KIF16B: variants seen among roughly 807,000 people sequenced by gnomAD.
The protein encoded by KIF16B is kinesin-like protein KIF16B.
KIF16B carries 98 observed loss-of-function variants against 156.3 expected under a neutral mutation model. The observed-to-expected ratio is 0.63, with a 90% CI of 0.53 to 0.74. KIF16B has a LOEUF of 0.74. Among genes scored for constraint, KIF16B ranks in the 30% least tolerant of loss-of-function variants. The pLI, the probability that KIF16B is intolerant of heterozygous loss-of-function variation, is 0.00. For synonymous variants in KIF16B, 564 were observed against 583.7 expected, an observed-to-expected ratio of 0.97 and a Z score of 0.49; for missense variants, 1,421 against 1,606.5, an observed-to-expected ratio of 0.88 and a Z score of 1.97.
intron 12 of KIF16B, among the ~76,000 whole-genome samples, chr20:16,451,178 C>T (rs1275346162): frequency 6.6e-6 from 1 of 152,170 alleles, no homozygotes. Flanking sequence ...AGTCGTTCAG[C>T]GTCGCATGTG....
chr20:16,497,592 A>G (rs375330563), intron 11 of KIF16B, 21 bp downstream of exon 11: 3 of 1,569,722 alleles, frequency 1.9e-6, no homozygotes, highest in Admixed American at 1.7e-5. Flanking sequence ...ATTTAAAAAT[A>G]TAAGTCAAAG....
At chr20:16,300,272 T>C (rs1321615161) in intron 25 of KIF16B, among the ~76,000 whole-genome samples, 1 of 152,190 alleles carries the variant, frequency 6.6e-6, no homozygotes, top group African/African-American at 2.4e-5. Flanking sequence ...GATACAACAG[T>C]GACTCTCAAA....
chr20:16,492,023 A>G (rs1401141826), intron 12 of KIF16B, among the ~76,000 whole-genome samples: 1 of 152,134 alleles, frequency 6.6e-6, no homozygotes, highest in Non-Finnish European at 1.5e-5. Flanking sequence ...CCTGCCCACC[A>G]TGAGAGGGGG....
At chr20:16,389,361 T>G (rs1413397931) in intron 17 of KIF16B, among the ~76,000 whole-genome samples, 1 of 152,158 alleles carries the variant, frequency 6.6e-6, no homozygotes, top group Non-Finnish European at 1.5e-5. Flanking sequence ...TGCAGCTAGT[T>G]CTGATCAAGC....
chr20:16,473,533 A>G (rs917361337), intron 12 of KIF16B, among the ~76,000 whole-genome samples: 7 of 152,364 alleles, frequency 4.6e-5, no homozygotes, highest in African/African-American at 1.7e-4. Context: ...CGCAGGGACT[A>G]GAGTAGACAC....
chr20:16,353,582 G>T (rs530280274), intron 23 of KIF16B, among the ~76,000 whole-genome samples: 1 of 152,158 alleles, frequency 6.6e-6, no homozygotes, highest in Non-Finnish European at 1.5e-5. Flanking sequence ...CCCAATGAGG[G>T]GGGGGTTTAT....
intron 17 of KIF16B, among the ~76,000 whole-genome samples, chr20:16,396,643 A>G (rs1178167878): frequency 7.4e-6 from 1 of 135,568 alleles, no homozygotes; most frequent in African/African-American, 3.0e-5. Flanking sequence ...TGTTAACTGT[A>G]GTCGCTTTTT....
chr20:16,408,298 G>C (rs1474664274), intron 15 of KIF16B, among the ~76,000 whole-genome samples: 2 of 152,048 alleles, frequency 1.3e-5, no homozygotes, highest in East Asian at 1.9e-4. Flanking sequence ...GCCCTAGTGG[G>C]GCAGCAGCAG....
intron 24 of KIF16B, among the ~76,000 whole-genome samples, chr20:16,335,160 C>T (rs2064013277): frequency 6.6e-6 from 1 of 152,114 alleles, no homozygotes; most frequent in Non-Finnish European, 1.5e-5. Flanking sequence ...TTGGTGAAAG[C>T]AGGCTAGTTA....
intron 12 of KIF16B, among the ~76,000 whole-genome samples, chr20:16,436,281 C>T (rs2066638542): frequency 6.6e-6 from 1 of 152,122 alleles, no homozygotes; most frequent in South Asian, 2.1e-4. Context: ...ACCCACTTTT[C>T]TCTAGCCAGA....
At chr20:16,362,178 T>C (rs556177552) in intron 22 of KIF16B, among the ~76,000 whole-genome samples, 9 of 152,368 alleles carry the variant, frequency 5.9e-5, no homozygotes, top group African/African-American at 1.7e-4. Context: ...GTACCACTGA[T>C]GTTCACTCAC....
intron 13 of KIF16B, 150 bp from the exon 14 acceptor site, chr20:16,429,154 A>C: frequency 1.5e-6 from 1 of 684,034 alleles, no homozygotes; most frequent in Non-Finnish European, 2.6e-6. Context: ...GAGCTCCCCA[A>C]GGCTCTGTAA....
chr20:16,359,126 T>C (rs571979205), intron 22 of KIF16B, among the ~76,000 whole-genome samples: 1 of 152,242 alleles, frequency 6.6e-6, no homozygotes, highest in Non-Finnish European at 1.5e-5. Context: ...GAGGTAAGAC[T>C]GTAACTGACG....
chr20:16,327,905 A>G (rs1195274088), intron 24 of KIF16B, among the ~76,000 whole-genome samples: 1 of 152,162 alleles, frequency 6.6e-6, no homozygotes, highest in African/African-American at 2.4e-5. Flanking sequence ...TGCAGTTGGT[A>G]GCATTATAAT....
intron 23 of KIF16B, among the ~76,000 whole-genome samples, chr20:16,348,563 C>T (rs900128655): frequency 2.0e-5 from 3 of 152,208 alleles, no homozygotes; most frequent in African/African-American, 4.8e-5. Context: ...AAGGGCAGTG[C>T]GGTCCAGTGC....
intron 12 of KIF16B, among the ~76,000 whole-genome samples, chr20:16,430,873 C>T (rs192536815): frequency 6.8e-6 from 1 of 148,078 alleles, no homozygotes; most frequent in Admixed American, 6.7e-5. Context: ...ATATGTACAC[C>T]AACCCAACTC....
intron 1 of KIF16B, among the ~76,000 whole-genome samples, chr20:16,535,048 T>G (rs887967132): frequency 1.3e-5 from 2 of 152,180 alleles, no homozygotes; most frequent in African/African-American, 4.8e-5. Flanking sequence ...TGTTGGTATT[T>G]TGATAGGGAT....
chr20:16,283,262 G>A (rs919001325), intron 25 of KIF16B, among the ~76,000 whole-genome samples: 4 of 152,214 alleles, frequency 2.6e-5, no homozygotes, highest in Non-Finnish European at 5.9e-5. Context: ...CAGGGTGGAA[G>A]GCGCATTTTG....
chr20:16,509,054 T>C (rs1446599352), intron 6 of KIF16B, among the ~76,000 whole-genome samples: 3 of 152,322 alleles, frequency 2.0e-5, no homozygotes, highest in Admixed American at 1.3e-4. Flanking sequence ...CATATTTATA[T>C]ATAATTATCT....
Sources: allele counts gnomAD v4.1 joint callset (sites outside exome capture counted in the v4.1 genomes callset), GRCh38; gene constraint gnomAD v4.1.1; transcripts MANE v1.5; gene names NCBI Gene and HGNC (gene_info 2026-07-23, HGNC 2026-07-21).